MACIR: variants seen among roughly 807,000 people sequenced by gnomAD.
The protein encoded by MACIR is macrophage immunometabolism regulator.
MACIR carries 4 observed loss-of-function variants against 14.3 expected under a neutral mutation model. The observed-to-expected ratio is 0.28, with a 90% CI of 0.14 to 0.64. MACIR has a LOEUF of 0.64. Among genes scored for constraint, MACIR ranks in the 30% least tolerant of loss-of-function variants. MACIR has a pLI of 0.83. For missense variants in MACIR, 228 were observed against 257.6 expected, an observed-to-expected ratio of 0.89 and a Z score of 0.79; for synonymous variants, 101 against 102.4, an observed-to-expected ratio of 0.99 and a Z score of 0.08.
chr5:103,276,298 C>A lies in MACIR; in HGVS notation c.379C>A (p.Arg127=). 1 of 1,612,232 alleles carries A rather than the reference C, an allele frequency of 6.2e-7. No homozygotes were observed. Among genetic ancestry groups the A allele is most frequent in the Non-Finnish European group, 8.5e-7 (1 of 1,179,720 alleles). Residue 127 remains arginine (R), a synonymous_variant, in exon 3 of 3, where the codon CGA becomes AGA. Transcript: ENST00000319933. ...GATTCCAGCTGTCAATGGCAGGAGG[C>A]GAAGGCGGATGCCAAGCTCAGGAGA... ...YEIPAVNGRR[R]RRMPSSGDKC... is the part of the protein sequence containing the mutation.
At position 103,276,580 on chromosome 5, in the gene MACIR, C is replaced by G; in HGVS notation, c.*40C>G. ...GCTTAAACCAATTTAGGTCAGCCTA[C>G]GCTTGGCTAGAAAAAACCCACTGCT... On this transcript the variant is annotated 3_prime_UTR_variant, in exon 3 of 3. Transcript: ENST00000319933. The G allele has an allele frequency of 6.4e-7, 1 of 1,555,298 alleles. No homozygotes were observed. The highest frequency in any genetic ancestry group is 8.7e-7 in the Non-Finnish European group (1 of 1,154,526).
chr5:103,266,700 A>T (rs115678133), intron 2 of MACIR, among the ~76,000 whole-genome samples: 58 of 152,230 alleles, frequency 3.8e-4, no homozygotes, highest in African/African-American at 1.4e-3. Context: ...TTGGTGTGTC[A>T]TTCTACTTGG....
intron 2 of MACIR, among the ~76,000 whole-genome samples, chr5:103,267,024 G>A (rs556531845): frequency 9.1e-4 from 139 of 152,174 alleles, no homozygotes; most frequent in African/African-American, 3.1e-3. Context: ...ATGTGGCCTG[G>A]TCACTGACTC....
intron 2 of MACIR, among the ~76,000 whole-genome samples, chr5:103,266,873 A>C (rs1804940828): frequency 6.6e-6 from 1 of 152,192 alleles, no homozygotes; most frequent in Non-Finnish European, 1.5e-5. Context: ...TAAGTAGATA[A>C]AACCTATTAC....
At chr5:103,275,548 G>A (rs10077719) in intron 2 of MACIR, among the ~76,000 whole-genome samples, 437 of 152,286 alleles carry the variant, frequency 2.9e-3, no homozygotes, top group African/African-American at 1.0e-2. Context: ...GCTGAGATCT[G>A]TATTTGACTC....
chr5:103,266,419 C>T (rs142215045), intron 2 of MACIR, among the ~76,000 whole-genome samples: 14 of 152,182 alleles, frequency 9.2e-5, no homozygotes, highest in Non-Finnish European at 4.4e-5. Context: ...AATGAGCCAA[C>T]AGGTGTCTGA....
At chr5:103,275,623 T>C (rs1554237568) in intron 2 of MACIR, among the ~76,000 whole-genome samples, 1 of 149,724 alleles carries the variant, frequency 6.7e-6, no homozygotes. Context: ...TAGAGAAGTA[T>C]TGTTGTTGTT....
intron 1 of MACIR, among the ~76,000 whole-genome samples, chr5:103,262,757 C>T (rs1804774462): frequency 6.6e-6 from 1 of 152,162 alleles, no homozygotes; most frequent in African/African-American, 2.4e-5. Context: ...GTTTCAGCTT[C>T]TTATAACTGG....
intron 2 of MACIR, among the ~76,000 whole-genome samples, chr5:103,272,376 T>TTCC (rs1554237189): frequency 3.3e-5 from 5 of 150,916 alleles, no homozygotes; most frequent in Non-Finnish European, 7.4e-5. Context: ...TTTTTTTTTT[T>TTCC]CCAGAATTCT....
intron 1 of MACIR, among the ~76,000 whole-genome samples, chr5:103,263,376 G>A (rs1804801023): frequency 2.6e-5 from 4 of 151,986 alleles, no homozygotes; most frequent in Non-Finnish European, 4.4e-5. Context: ...TTCTATTTTT[G>A]GCTTGGCACT....
At chr5:103,268,662 T>A (rs1805013678) in intron 2 of MACIR, among the ~76,000 whole-genome samples, 1 of 152,180 alleles carries the variant, frequency 6.6e-6, no homozygotes, top group African/African-American at 2.4e-5. Context: ...ACACCCCAGA[T>A]CAGTTAAATC....
rs1805400016 is a variant in MACIR, at chr5:103,278,082, G to A, written c.*1542G>A. 1 of 166,936 alleles carries A rather than the reference G, an allele frequency of 6.0e-6. No individual in the cohort carries two copies. The highest frequency in any genetic ancestry group is 1.5e-5 in the Non-Finnish European group (1 of 68,080). 10.3% of individuals were successfully genotyped at this position (166,936 alleles called of 1,614,324 possible). A position where few individuals can be genotyped will look rare whatever the true frequency, so the allele number is the denominator to read the frequency against. ...AGGCAAACTACGTGAAAGAGCCTTG[G>A]GGAAGTTGGCCCATATCTTACTAAG... is the stretch of plus-strand genomic sequence containing the variant. On this transcript the variant is annotated 3_prime_UTR_variant, in exon 3 of 3. Coordinates refer to ENST00000319933, the MANE Select transcript of MACIR (RefSeq NM_033211.4).
intron 1 of MACIR, among the ~76,000 whole-genome samples, chr5:103,264,531 G>A (rs1804852608): frequency 6.6e-6 from 1 of 152,070 alleles, no homozygotes; most frequent in Non-Finnish European, 1.5e-5. Context: ...AACAATTTTT[G>A]TTACAATTTA....
rs782639717 is a variant in MACIR at position 103,276,392 on chromosome 5, T to G, written c.473T>G (p.Leu158Arg). The G allele has an allele frequency of 1.2e-6, 2 of 1,613,928 alleles. No homozygotes were observed. Among genetic ancestry groups the G allele is most frequent in the Admixed American group, 1.7e-5 (1 of 59,984 alleles). Residue 158 changes from leucine (L) to arginine (R), a missense_variant, in exon 3 of 3, where the codon CTT becomes CGT. By Grantham distance (102) the Leu-to-Arg change is moderately radical (BLOSUM62 -2). Transcript: ENST00000319933. ...ALHGPLPLCL[L>R]KGKRAHSKSL... ...CATGGGCCTCTGCCTCTTTGTCTTC[T>G]TAAAGGTAAGAGGGCTCACTCCAAA...
At chr5:103,261,701 T>TCTTTCTTC (rs1562545893) in intron 1 of MACIR, among the ~76,000 whole-genome samples, 55 of 116,086 alleles carry the variant, frequency 4.7e-4, no homozygotes, top group African/African-American at 1.7e-3. Context: ...TTTCTTTCTT[T>TCTTTCTTC]CTTCCTTTCT....
chr5:103,276,006 G>A lies in MACIR; in HGVS notation c.87G>A (p.Ala29=), dbSNP rs782659787. 2.4e-5 allele frequency: 39 copies of A among 1,613,974 alleles called. No individual in the cohort carries two copies. The highest frequency in any genetic ancestry group is 1.1e-4 in the East Asian group (5 of 44,878). Residue 29 remains alanine, a synonymous_variant, in exon 3 of 3, where the codon GCG becomes GCA. Transcript: ENST00000319933. ...CTGAGGCCAACTCCCCGGGAAAGGC[G>A]GAGGCAGAGAAGCCCCGCTGCTCCA... ...PGAEANSPGK[A]EAEKPRCSST...
intron 1 of MACIR, among the ~76,000 whole-genome samples, chr5:103,259,958 C>G (rs1554236066): frequency 1.3e-5 from 2 of 152,058 alleles, no homozygotes; most frequent in African/African-American, 4.8e-5. Flanking sequence ...TTTCCCCTTG[C>G]TAGTGTTCCA....
chr5:103,276,250 A>T lies in MACIR; in HGVS notation c.331A>T (p.Ser111Cys). Residue 111 changes from serine to cysteine, a missense_variant, in exon 3 of 3, where the codon AGT (serine) becomes TGT (cysteine). By Grantham distance (112) the Ser-to-Cys change is moderately radical (BLOSUM62 -1). Coordinates refer to ENST00000319933, the MANE Select transcript of MACIR (RefSeq NM_033211.4). ...TTCCTCTCGTTTGTATAAAACCAGA[A>T]GTAGGTACTACCAGCCATACGAGAT... The part of the protein sequence containing the change: ...ARSSRLYKTR[S>C]RYYQPYEIPA... The T allele has an allele frequency of 1.2e-6, 2 of 1,612,660 alleles. No homozygotes were observed. Among genetic ancestry groups the T allele is most frequent in the South Asian group, 2.2e-5 (2 of 90,984 alleles).
chr5:103,274,112 G>A (rs545232882), intron 2 of MACIR, among the ~76,000 whole-genome samples: 1 of 152,266 alleles, frequency 6.6e-6, no homozygotes, highest in East Asian at 1.9e-4. Context: ...ACGTAGGTTG[G>A]AGGCCTTGGC....
Sources: gnomAD v4.1 joint callset for allele counts (sites outside exome capture counted in the v4.1 genomes callset) on GRCh38, gnomAD v4.1.1 for gene constraint, MANE v1.5 for transcripts, NCBI Gene and HGNC (gene_info 2026-07-23, HGNC 2026-07-21) for gene names.